PPARGC1A: variants seen among roughly 807,000 people sequenced by gnomAD.
The protein encoded by PPARGC1A is PPARG coactivator 1 alpha, also known as peroxisome proliferator-activated receptor gamma coactivator 1-alpha.
In PPARGC1A, 25 loss-of-function variants were observed where a neutral mutation model predicts 88.7. That is an observed-to-expected ratio of 0.28 (90% CI 0.21 to 0.39). The LOEUF is 0.39. PPARGC1A is among the 10% of genes least tolerant of loss of function. The pLI is 1.00. For missense variants in PPARGC1A, 880 were observed against 968.7 expected (o/e 0.91, Z 1.22); for synonymous variants, 363 against 355.6 (o/e 1.02, Z -0.24).
At chr4:23,884,410 T>G in intron 2 of PPARGC1A, 1 of 336,404 alleles carries the variant, frequency 3.0e-6, no homozygotes, top group East Asian at 4.5e-5. Flanking sequence ...TATTGCTCAT[T>G]CTTTCTGTGG....
chr4:24,299,469 G>A, the PPARGC1A span, among the ~76,000 whole-genome samples: 1 of 152,128 alleles, frequency 6.6e-6, no homozygotes, highest in African/African-American at 2.4e-5. Context: ...GTTGCAGAAT[G>A]CCCTGGAGCA....
At chr4:24,399,913 G>A in the PPARGC1A span, among the ~76,000 whole-genome samples, 1 of 151,860 alleles carries the variant, frequency 6.6e-6, no homozygotes, top group South Asian at 2.1e-4. Context: ...AGCCTCCTGA[G>A]CAGCTGGAAT....
At chr4:23,823,054 T>C (rs1026188784) in intron 7 of PPARGC1A, among the ~76,000 whole-genome samples, 14 of 151,994 alleles carry the variant, frequency 9.2e-5, no homozygotes, top group Non-Finnish European at 1.6e-4. Flanking sequence ...GTACTGGTGA[T>C]TGAAATTATG....
the PPARGC1A span, among the ~76,000 whole-genome samples, chr4:24,309,394 A>G: frequency 6.6e-6 from 1 of 152,318 alleles, no homozygotes. Context: ...AACCTGTTCA[A>G]CATCAAGGGG....
the PPARGC1A span, among the ~76,000 whole-genome samples, chr4:24,074,945 C>T: frequency 0.02 from 3,055 of 152,182 alleles, 98 homozygotes; most frequent in African/African-American, 0.07. Context: ...CTCTTTGTGC[C>T]CCCCATAGTT....
the PPARGC1A span, among the ~76,000 whole-genome samples, chr4:24,327,567 G>T: frequency 6.6e-6 from 1 of 151,770 alleles, no homozygotes; most frequent in Non-Finnish European, 1.5e-5. Flanking sequence ...ATACAAAACC[G>T]TATCCAGGCC....
chr4:24,278,188 A>G, the PPARGC1A span, among the ~76,000 whole-genome samples: 1 of 152,036 alleles, frequency 6.6e-6, no homozygotes, highest in Admixed American at 6.6e-5. Flanking sequence ...AAAAATAAAA[A>G]TTGAAATAAA....
At chr4:24,428,977 G>C in the PPARGC1A span, among the ~76,000 whole-genome samples, 2 of 152,150 alleles carry the variant, frequency 1.3e-5, no homozygotes, top group Non-Finnish European at 2.9e-5. Flanking sequence ...CCAACAAAAG[G>C]TCAGAAACTG....
At chr4:24,448,785 T>C in the PPARGC1A span, among the ~76,000 whole-genome samples, 176 of 152,170 alleles carry the variant, frequency 1.2e-3, no homozygotes, top group Non-Finnish European at 1.9e-3. Flanking sequence ...ACACACCCCA[T>C]TGAAACCATG....
chr4:23,955,802 A>G, the PPARGC1A span, among the ~76,000 whole-genome samples: 1 of 152,130 alleles, frequency 6.6e-6, no homozygotes, highest in Non-Finnish European at 1.5e-5. Flanking sequence ...AAGTCAAGGC[A>G]CAGAAAATTT....
At chr4:24,105,011 G>A in the PPARGC1A span, among the ~76,000 whole-genome samples, 3 of 152,152 alleles carry the variant, frequency 2.0e-5, no homozygotes, top group African/African-American at 7.2e-5. Context: ...AACATGCAAC[G>A]CCCATGTATG....
chr4:23,850,397 T>C (rs1729074193), intron 2 of PPARGC1A, among the ~76,000 whole-genome samples: 1 of 152,184 alleles, frequency 6.6e-6, no homozygotes, highest in Non-Finnish European at 1.5e-5. Context: ...AAAGGCCAAG[T>C]GAAAACAACC....
the PPARGC1A span, among the ~76,000 whole-genome samples, chr4:24,122,449 AGAGAGAGAGAG>A: frequency 1.8e-4 from 27 of 150,532 alleles, no homozygotes; most frequent in African/African-American, 6.6e-4. Context: ...AGAGAGAGAG[AGAGAGAGAGAG>A]ATCTATATAA....
the PPARGC1A span, among the ~76,000 whole-genome samples, chr4:24,447,853 C>CAGCATCTAG: frequency 6.6e-6 from 1 of 152,216 alleles, no homozygotes; most frequent in African/African-American, 2.4e-5. Flanking sequence ...CAATGGCCTG[C>CAGCATCTAG]AGCATCTAGA....
the PPARGC1A span, among the ~76,000 whole-genome samples, chr4:24,394,479 A>G: frequency 1.3e-5 from 2 of 152,242 alleles, no homozygotes; most frequent in African/African-American, 4.8e-5. Context: ...AGGTAGACAG[A>G]TCTTTAAGAA....
chr4:24,025,347 C>T, the PPARGC1A span, among the ~76,000 whole-genome samples: 1 of 152,062 alleles, frequency 6.6e-6, no homozygotes, highest in Admixed American at 6.6e-5. Context: ...TGAATACACA[C>T]CATCATCTTT....
chr4:23,880,150 T>G (rs180702331), intron 2 of PPARGC1A: 1 of 152,324 alleles, frequency 6.6e-6, no homozygotes, highest in East Asian at 1.9e-4. Context: ...CATATATACA[T>G]ATACATGAAT....
chr4:24,053,405 G>A, the PPARGC1A span, among the ~76,000 whole-genome samples: 45 of 152,212 alleles, frequency 3.0e-4, no homozygotes, highest in African/African-American at 1.1e-3. Context: ...GGATACTATG[G>A]GTGAAAGTTG....
At chr4:23,831,877 A>G (rs1725071298) in intron 2 of PPARGC1A, 126 bp from the exon 3 acceptor site, 6 of 739,584 alleles carry the variant, frequency 8.1e-6, no homozygotes, top group Non-Finnish European at 1.4e-5. Flanking sequence ...CCAGAACACA[A>G]AGATCATGTC....
Sources: allele counts gnomAD v4.1 joint callset (sites outside exome capture counted in the v4.1 genomes callset), GRCh38; gene constraint gnomAD v4.1.1; transcripts MANE v1.5; gene names NCBI Gene and HGNC (gene_info 2026-07-23, HGNC 2026-07-21).